The following OR3A2 variants were observed in gnomAD, a reference collection of about 807,000 sequenced individuals.
OR3A2 encodes olfactory receptor 3A2.
For synonymous variants in OR3A2, 126 were observed against 159.3 expected, an observed-to-expected ratio of 0.79 and a Z score of 1.57; for missense variants, 318 against 392.8, an observed-to-expected ratio of 0.81 and a Z score of 1.61.
chr17:3,317,453 C>G (rs1443427228), intron 3 of OR3A2, among the ~76,000 whole-genome samples: 1 of 152,140 alleles, frequency 6.6e-6, no homozygotes, highest in Non-Finnish European at 1.5e-5. Context: ...AGGCAGCAAG[C>G]TGGGAAGCTC....
rs162259 is a variant in OR3A2, at chr17:3,363,444, A to G, written c.-179+20360T>C. On this transcript the variant is annotated intron_variant, in intron 2 of 4. Transcript: ENST00000573491. Reference sequence around the variant, plus strand: ...AGAGTAACCTTTACTCCAGTTTTCAATAAGTTCCTCATCACCATATGAGAC... The same window carrying G: ...AGAGTAACCTTTACTCCAGTTTTCAGTAAGTTCCTCATCACCATATGAGAC... Among the ~76,000 whole-genome samples the G allele has an allele frequency of 2.5e-3, 387 of 151,812 alleles. 14 individuals are homozygous for G. The highest frequency in any genetic ancestry group is 8.7e-3 in the African/African-American group (359 of 41,100).
At chr17:3,352,772 A>C (rs1300603363) in intron 2 of OR3A2, among the ~76,000 whole-genome samples, 1 of 151,744 alleles carries the variant, frequency 6.6e-6, no homozygotes, top group East Asian at 1.9e-4. Flanking sequence ...ATTTTTTTCT[A>C]TTTCTGTGAA....
chr17:3,346,421 G>A (rs1054997835), intron 2 of OR3A2, among the ~76,000 whole-genome samples: 1 of 152,144 alleles, frequency 6.6e-6, no homozygotes, highest in Non-Finnish European at 1.5e-5. Flanking sequence ...TGGAGGGAAT[G>A]TTCCCTGTTT....
At chr17:3,348,083 G>C (rs907072870) in intron 2 of OR3A2, among the ~76,000 whole-genome samples, 2 of 152,180 alleles carry the variant, frequency 1.3e-5, no homozygotes, top group African/African-American at 4.8e-5. Flanking sequence ...CCCACTTTTT[G>C]ATGGGGTTGT....
In OR3A2 at chr17:3,279,131, G is replaced by C. The variant is rs2048762710; in HGVS notation, c.-6-208C>G. The C allele has an allele frequency of 9.2e-6, 7 of 762,448 alleles. No homozygotes were observed. In the South Asian group the frequency reaches 1.4e-4, roughly 15 times the overall value. The allele number at this position is 762,448 out of a possible 1,614,324, so 47.2% of individuals were successfully genotyped here. The stretch of plus-strand genomic sequence containing the variant: ...CACCACCTTGTCCTCCTCATCCTCT[G>C]CTAGCTGAAAAGGTCAGAATACCTG... On this transcript the variant is annotated intron_variant, in intron 1 of 1. Coordinates refer to ENST00000642052, the Ensembl canonical transcript of OR3A2.
upstream of OR3A2, among the ~76,000 whole-genome samples, chr17:3,285,330 T>C (rs886154316): frequency 6.6e-6 from 1 of 152,182 alleles, no homozygotes; most frequent in Non-Finnish European, 1.5e-5. Context: ...CTTCTGATTA[T>C]TAGTGGTTTG....
At chr17:3,345,420 A>G (rs112247498) in intron 2 of OR3A2, among the ~76,000 whole-genome samples, 3 of 117,258 alleles carry the variant, frequency 2.6e-5, no homozygotes, top group Non-Finnish European at 5.4e-5. Flanking sequence ...AAAAAAAGGA[A>G]AGAGAGAGAG....
intron 2 of OR3A2, among the ~76,000 whole-genome samples, chr17:3,352,706 G>A (rs979822086): frequency 6.6e-6 from 1 of 151,890 alleles, no homozygotes; most frequent in Non-Finnish European, 1.5e-5. Context: ...TGTTCTTTTT[G>A]CTTCAGGATA....
chr17:3,372,154 GC>G (rs1266066175), intron 2 of OR3A2, among the ~76,000 whole-genome samples: 1 of 151,034 alleles, frequency 6.6e-6, no homozygotes, highest in Non-Finnish European at 1.5e-5. Context: ...CAGGGTCGCG[GC>G]CGGGTAGAGG....
In OR3A2 at chr17:3,329,409, G is replaced by T. The variant is rs1001199911; in HGVS notation, c.-85+6624C>A. On this transcript the variant is annotated intron_variant, in intron 3 of 4. Coordinates refer to the OR3A2 transcript ENST00000573491. ...TCAGCTCCCGTTATTGGTCTATTCA[G>T]AGATTCAACTTCTTCCTGGTTTAGT... is the stretch of plus-strand genomic sequence containing the variant. Among the ~76,000 whole-genome samples the T allele has an allele frequency of 8.8e-3, 1,323 of 150,304 alleles. 29 individuals carry two copies. The highest frequency in any genetic ancestry group is 0.031 in the African/African-American group (1,258 of 40,702).
intron 2 of OR3A2, among the ~76,000 whole-genome samples, chr17:3,372,651 G>A (rs540028744): frequency 8.5e-5 from 13 of 152,150 alleles, no homozygotes; most frequent in South Asian, 6.2e-4. Context: ...GCGAAACCCC[G>A]TCTCCACCAA....
At chr17:3,331,248 C>G (rs1025643992) in intron 3 of OR3A2, among the ~76,000 whole-genome samples, 8 of 151,678 alleles carry the variant, frequency 5.3e-5, no homozygotes, top group African/African-American at 1.9e-4. Flanking sequence ...TTTCCTGAAT[C>G]TGAACGTTGG....
upstream of OR3A2, among the ~76,000 whole-genome samples, chr17:3,285,028 CTG>C (rs2150618400): frequency 6.6e-6 from 1 of 152,174 alleles, no homozygotes; most frequent in South Asian, 2.1e-4. Flanking sequence ...GACACTTGGA[CTG>C]TGTCTTGGGG....
rs947647840 is a variant in OR3A2 at position 3,292,735 on chromosome 17, A to T, written c.-84-13582T>A. The T allele has an allele frequency of 2.1e-5, 13 of 623,808 alleles. No individual in the cohort carries two copies. In the African/African-American group the frequency reaches 2.2e-4, roughly 11 times the overall value. 38.6% of individuals were successfully genotyped at this position (623,808 alleles called of 1,614,324 possible). On this transcript the variant is annotated intron_variant, in intron 3 of 4. Coordinates refer to the OR3A2 transcript ENST00000573491. ...AGGAATTTTGCGCTCCTTAGGCCAC[A>T]CTACACTTGTTTACTCTGTCGCTAC...
intron 3 of OR3A2, among the ~76,000 whole-genome samples, chr17:3,334,511 T>G (rs1391703596): frequency 6.6e-6 from 1 of 152,210 alleles, no homozygotes; most frequent in Non-Finnish European, 1.5e-5. Context: ...ATTCCATCAC[T>G]GTAGATTTAC....
At chr17:3,364,304 G>C (rs2049544838) in intron 2 of OR3A2, among the ~76,000 whole-genome samples, 1 of 152,068 alleles carries the variant, frequency 6.6e-6, no homozygotes, top group East Asian at 1.9e-4. Context: ...ATCAAATCAG[G>C]CTAGTTAGCA....
chr17:3,364,545 G>A (rs74964753), intron 2 of OR3A2, among the ~76,000 whole-genome samples: 1,789 of 152,220 alleles, frequency 0.012, 39 homozygotes, highest in African/African-American at 0.04. Context: ...CTACTGTAGT[G>A]AGTTCACAAT....
intron 1 of OR3A2, among the ~76,000 whole-genome samples, chr17:3,280,568 A>G (rs970582004): frequency 2.6e-5 from 4 of 152,216 alleles, no homozygotes; most frequent in African/African-American, 7.2e-5. Flanking sequence ...CACTGCGCCC[A>G]GCCCATCTTT....
At chr17:3,318,850 G>C (rs987276096) in intron 3 of OR3A2, among the ~76,000 whole-genome samples, 1 of 152,106 alleles carries the variant, frequency 6.6e-6, no homozygotes, top group Non-Finnish European at 1.5e-5. Flanking sequence ...CAGTGCGAGA[G>C]GGCCACTTTC....
Sources: allele counts gnomAD v4.1 joint callset (sites outside exome capture counted in the v4.1 genomes callset), GRCh38; gene constraint gnomAD v4.1.1; transcripts MANE v1.5; gene names NCBI Gene and HGNC (gene_info 2026-07-23, HGNC 2026-07-21).